NRG1: variants seen among roughly 807,000 people sequenced by gnomAD.
NRG1 encodes the protein pro-neuregulin-1, membrane-bound isoform.
A neutral mutation model predicts 63.8 loss-of-function variants in NRG1; 18 were observed. That is an observed-to-expected ratio of 0.28 (90% CI 0.19 to 0.42). The LOEUF (loss-of-function observed/expected upper bound fraction) is 0.42. Among genes scored for constraint, NRG1 ranks in the 10% least tolerant of loss-of-function variants. NRG1 has a pLI of 1.00. For synonymous variants in NRG1, 302 were observed against 301.3 expected (o/e 1.00, Z -0.02); for missense variants, 762 against 814.7 (o/e 0.94, Z 0.79).
intron 1 of NRG1, among the ~76,000 whole-genome samples, chr8:31,982,782 A>G (rs970473904): frequency 2.6e-5 from 4 of 152,082 alleles, no homozygotes; most frequent in Non-Finnish European, 5.9e-5. Context: ...TATTTTTTTC[A>G]TCTAAGAGTT....
chr8:32,277,764 G>A (rs1852263582), intron 1 of NRG1, among the ~76,000 whole-genome samples: 1 of 152,250 alleles, frequency 6.6e-6, no homozygotes, highest in South Asian at 2.1e-4. Flanking sequence ...TACCTGGGAG[G>A]GCCTTCCATA....
At chr8:31,734,395 C>T (rs1028342189) in intron 1 of NRG1, among the ~76,000 whole-genome samples, 1 of 152,132 alleles carries the variant, frequency 6.6e-6, no homozygotes, top group Non-Finnish European at 1.5e-5. Flanking sequence ...TTTCCTCGGG[C>T]ATCAGAGTCA....
At chr8:32,761,560 A>AATTTT (rs10566697) in intron 11 of NRG1, among the ~76,000 whole-genome samples, 51,832 of 138,386 alleles carry the variant, frequency 0.37, 11,299 homozygotes, top group Non-Finnish European at 0.5. Flanking sequence ...AAGTCCGCTG[A>AATTTT]ATTTTATTTT....
intron 5 of NRG1, among the ~76,000 whole-genome samples, chr8:32,619,782 T>C (rs1848011735): frequency 6.6e-6 from 1 of 152,258 alleles, no homozygotes; most frequent in African/African-American, 2.4e-5. Context: ...ATTGTTTTAC[T>C]TGTTTTTTTA....
intron 1 of NRG1, among the ~76,000 whole-genome samples, chr8:32,176,478 C>G (rs187848512): frequency 0.03 from 4,523 of 151,646 alleles, 187 homozygotes; most frequent in African/African-American, 0.1. Context: ...TTGACAAATG[C>G]GATCTAATTA....
intron 7 of NRG1, among the ~76,000 whole-genome samples, chr8:32,747,732 GTATATA>G (rs35663919): frequency 2.7e-4 from 36 of 132,114 alleles, no homozygotes; most frequent in African/African-American, 4.7e-4. Context: ...ATGTGTGTGT[GTATATA>G]TATATATATA....
At chr8:32,265,895 C>T (rs1850880818) in intron 1 of NRG1, among the ~76,000 whole-genome samples, 1 of 151,962 alleles carries the variant, frequency 6.6e-6, no homozygotes, top group Non-Finnish European at 1.5e-5. Flanking sequence ...ATTTAGATAG[C>T]ATTTATGTTA....
At chr8:32,173,962 AT>A (rs1252993245) in intron 1 of NRG1, among the ~76,000 whole-genome samples, 2 of 152,172 alleles carry the variant, frequency 1.3e-5, no homozygotes, top group African/African-American at 4.8e-5. Flanking sequence ...ATATGCAGGC[AT>A]TGAACTCAGC....
intron 1 of NRG1, among the ~76,000 whole-genome samples, chr8:31,688,359 C>A (rs932481134): frequency 2.6e-5 from 4 of 152,112 alleles, no homozygotes; most frequent in Non-Finnish European, 4.4e-5. Context: ...CCAGGACATG[C>A]GAAACGCAGT....
intron 1 of NRG1, among the ~76,000 whole-genome samples, chr8:32,497,345 G>T (rs1055507791): frequency 6.6e-6 from 1 of 151,618 alleles, no homozygotes; most frequent in African/African-American, 2.4e-5. Flanking sequence ...TACTTGGGAG[G>T]CTGAGGCAGG....
At chr8:32,153,725 G>A (rs917253456) in intron 1 of NRG1, among the ~76,000 whole-genome samples, 3 of 152,214 alleles carry the variant, frequency 2.0e-5, no homozygotes, top group African/African-American at 7.2e-5. Context: ...GTATCTCAGA[G>A]GGTGGCAAGG....
intron 1 of NRG1, among the ~76,000 whole-genome samples, chr8:32,489,131 A>T (rs551695875): frequency 1.3e-5 from 2 of 152,134 alleles, no homozygotes; most frequent in Non-Finnish European, 2.9e-5. Context: ...AGCACTTCAC[A>T]TCCCTTTTCC....
intron 1 of NRG1, among the ~76,000 whole-genome samples, chr8:31,908,053 A>G (rs999065475): frequency 1.2e-4 from 19 of 152,170 alleles, no homozygotes; most frequent in African/African-American, 4.8e-5. Flanking sequence ...CATTTCAGCC[A>G]TGCATATGTG....
At chr8:32,065,550 G>A (rs1399764197) in intron 1 of NRG1, among the ~76,000 whole-genome samples, 1 of 152,144 alleles carries the variant, frequency 6.6e-6, no homozygotes, top group Non-Finnish European at 1.5e-5. Context: ...ATTCCATGGT[G>A]TATATATGCC....
intron 1 of NRG1, among the ~76,000 whole-genome samples, chr8:32,331,078 C>T (rs7839597): frequency 0.71 from 108,508 of 151,946 alleles, 39,519 homozygotes; most frequent in Non-Finnish European, 0.77. Context: ...ATTCCTTTTG[C>T]CTTTTTGTGG....
chr8:32,657,759 A>C (rs758444533), intron 5 of NRG1, among the ~76,000 whole-genome samples: 4 of 152,322 alleles, frequency 2.6e-5, no homozygotes, highest in Non-Finnish European at 5.9e-5. Context: ...AAAAGGAATC[A>C]GTAACCATTG....
chr8:31,904,109 CT>C (rs1832324368), intron 1 of NRG1, among the ~76,000 whole-genome samples: 1 of 152,082 alleles, frequency 6.6e-6, no homozygotes, highest in African/African-American at 2.4e-5. Context: ...ATGTGGTGCA[CT>C]TTCCTTGGTT....
intron 1 of NRG1, among the ~76,000 whole-genome samples, chr8:32,046,960 T>A (rs979135484): frequency 1.3e-5 from 2 of 152,082 alleles, no homozygotes; most frequent in African/African-American, 4.8e-5. Context: ...TCCCAATGCT[T>A]GACTATTGCT....
At chr8:31,692,220 T>C (rs1167256112) in intron 1 of NRG1, among the ~76,000 whole-genome samples, 1 of 152,334 alleles carries the variant, frequency 6.6e-6, no homozygotes, top group East Asian at 1.9e-4. Context: ...TCTAAATTCT[T>C]CATAATGAGT....
Sources: gnomAD v4.1 joint callset for allele counts (sites outside exome capture counted in the v4.1 genomes callset) on GRCh38, gnomAD v4.1.1 for gene constraint, MANE v1.5 for transcripts, NCBI Gene and HGNC (gene_info 2026-07-23, HGNC 2026-07-21) for gene names.